EFCAB6: variants seen among roughly 807,000 people sequenced by gnomAD.
EFCAB6 encodes the protein EF-hand calcium binding domain 6.
In EFCAB6, 156 loss-of-function variants were observed where a neutral mutation model predicts 169.8. That is an observed-to-expected ratio of 0.92 (90% confidence interval 0.81 to 1.05). EFCAB6 has a LOEUF of 1.05. Among genes scored for constraint, EFCAB6 ranks in the 50% least tolerant of loss-of-function variants. The pLI, the probability that EFCAB6 is intolerant of heterozygous loss-of-function variation, is 0.00. For missense variants in EFCAB6, 1,800 were observed against 1,829.1 expected, an observed-to-expected ratio of 0.98 and a Z score of 0.29; for synonymous variants, 698 against 676.4, an observed-to-expected ratio of 1.03 and a Z score of -0.50.
Position 43,540,514 on chromosome 22 carries a change from C to G in EFCAB6, c.3649-157G>C, listed in dbSNP as rs1031275953. ...TTAAAAAAATAAAACGCCCATTTGG[C>G]CTTCGCTCGGCGGAGGCCTCAGGAA... On this transcript the variant is annotated intron_variant, in intron 27 of 31. Transcript: ENST00000262726. The G allele has an allele frequency of 1.3e-5, 20 of 1,532,608 alleles. No individual in the cohort carries two copies. In the African/African-American group the frequency reaches 2.3e-4, roughly 18 times the overall value. The allele number at this position is 1,532,608 out of a possible 1,614,324, so 94.9% of individuals were successfully genotyped here. A position where few individuals can be genotyped will look rare whatever the true frequency, so the allele number is the denominator to read the frequency against.
At chr22:43,548,539 CAAAAAAAAAAAAAA>C (rs397868076) in intron 27 of EFCAB6, among the ~76,000 whole-genome samples, 1 of 36,730 alleles carries the variant, frequency 2.7e-5, no homozygotes, top group Non-Finnish European at 4.6e-5. Context: ...GAATCCATCT[CAAAAAAAAAAAAAA>C]AAAAAAAAAA....
At chr22:43,776,088 T>G (rs1018288843) in intron 3 of EFCAB6, among the ~76,000 whole-genome samples, 1 of 152,164 alleles carries the variant, frequency 6.6e-6, no homozygotes, top group Non-Finnish European at 1.5e-5. Flanking sequence ...AAAAGGCTTA[T>G]GGAAAGAGAA....
intron 20 of EFCAB6, among the ~76,000 whole-genome samples, chr22:43,618,169 A>AAGGAAGGAAGGAAGGAAGGAAG (rs1277847574): frequency 0.012 from 363 of 30,134 alleles, 1 homozygote; most frequent in African/African-American, 0.024. Flanking sequence ...AAGGAAGGAA[A>AAGGAAGGAAGGAAGGAAGGAAG]GAAAGAAAGA....
rs529016277 is a variant in EFCAB6, at chr22:43,568,539, G to A, written c.3420+7758C>T. Among the ~76,000 whole-genome samples, 4 of 152,230 alleles carry A rather than the reference G, an allele frequency of 2.6e-5. No individual in the cohort carries two copies. The South Asian group carries it at 6.2e-4, about 24-fold the overall frequency. ...TGTCCATTTAGTTTGAATATATAGA[G>A]GGCTTCCCGTGGAGGCTAGGAATCA... On this transcript the variant is annotated intron_variant, in intron 26 of 31. Transcript: ENST00000262726.
chr22:43,730,692 T>A (rs1424994177), intron 8 of EFCAB6, among the ~76,000 whole-genome samples: 1 of 152,152 alleles, frequency 6.6e-6, no homozygotes, highest in African/African-American at 2.4e-5. Context: ...GTGGGCTTGG[T>A]TCGATTGTTT....
intron 23 of EFCAB6, 113 bp from the exon 24 acceptor site, chr22:43,590,342 C>T (rs1569210016): frequency 2.4e-6 from 3 of 1,267,484 alleles, no homozygotes; most frequent in Non-Finnish European, 2.1e-6. Context: ...CATCTAAGAA[C>T]TAATTTTGAA....
chr22:43,568,484 T>A (rs543080258), intron 26 of EFCAB6, among the ~76,000 whole-genome samples: 6 of 152,284 alleles, frequency 3.9e-5, no homozygotes, highest in African/African-American at 1.4e-4. Context: ...ACCAAATGAA[T>A]GGGGAGCCTG....
chr22:43,624,031 C>A (rs1281491126), intron 20 of EFCAB6, among the ~76,000 whole-genome samples: 2 of 152,240 alleles, frequency 1.3e-5, no homozygotes, highest in African/African-American at 4.8e-5. Flanking sequence ...TCCCAACAGA[C>A]TCCTGAGCTC....
chr22:43,782,042 G>T, intron 3 of EFCAB6, 138 bp downstream of exon 3: 1 of 867,332 alleles, frequency 1.2e-6, no homozygotes. Context: ...AGAAAACAGG[G>T]ATAAAAACAG....
chr22:43,740,766 C>T (rs1056000143), intron 6 of EFCAB6, among the ~76,000 whole-genome samples: 2 of 152,200 alleles, frequency 1.3e-5, no homozygotes, highest in African/African-American at 4.8e-5. Context: ...CACCGCTCTG[C>T]CTGAAAGAGG....
chr22:43,592,798 C>T (rs1250411892), intron 23 of EFCAB6, among the ~76,000 whole-genome samples: 2 of 152,178 alleles, frequency 1.3e-5, no homozygotes, highest in African/African-American at 2.4e-5. Context: ...CGTTTTCGAA[C>T]GAGCCCGTGT....
At chr22:43,788,132 A>G (rs2062147559) in intron 2 of EFCAB6, among the ~76,000 whole-genome samples, 1 of 152,210 alleles carries the variant, frequency 6.6e-6, no homozygotes, top group East Asian at 1.9e-4. Flanking sequence ...GAATTCCTAG[A>G]AGAAAGCATA....
intron 21 of EFCAB6, among the ~76,000 whole-genome samples, chr22:43,614,219 C>A (rs1052670103): frequency 6.2e-5 from 8 of 129,956 alleles, no homozygotes; most frequent in Non-Finnish European, 9.4e-5. Flanking sequence ...ACTGACACTA[C>A]CTGATGGCCA....
At chr22:43,529,085 T>C in intron 31 of EFCAB6, 110 bp from the exon 32 acceptor site, 1 of 1,264,380 alleles carries the variant, frequency 7.9e-7, no homozygotes, top group Non-Finnish European at 1.1e-6. Context: ...CCAACCCCAC[T>C]TCCGATGTCA....
intron 10 of EFCAB6, among the ~76,000 whole-genome samples, chr22:43,689,030 C>G (rs1230679905): frequency 6.6e-6 from 1 of 152,014 alleles, no homozygotes; most frequent in Non-Finnish European, 1.5e-5. Flanking sequence ...GAGTCCCAAC[C>G]CCACCACAAA....
At chr22:43,772,683 G>A (rs1254190276) in intron 4 of EFCAB6, among the ~76,000 whole-genome samples, 2 of 151,782 alleles carry the variant, frequency 1.3e-5, no homozygotes, top group African/African-American at 4.8e-5. Context: ...AAAAGAAACT[G>A]GCTGGAGCAG....
chr22:43,662,863 C>A (rs557241546), intron 17 of EFCAB6, among the ~76,000 whole-genome samples: 1 of 152,314 alleles, frequency 6.6e-6, no homozygotes, highest in African/African-American at 2.4e-5. Flanking sequence ...ATCCAGCAAG[C>A]CTATCTCACA....
In EFCAB6 at chr22:43,528,913, G is replaced by A. The variant is rs373654243; in HGVS notation, c.4446C>T (p.Tyr1482=). The A allele has an allele frequency of 1.6e-5, 25 of 1,611,352 alleles. No individual in the cohort carries two copies. In the East Asian group the frequency reaches 2.0e-4, roughly 13 times the overall value. ...EEEFFHILEY[Y]DKTLSSKISY... is the part of the protein sequence containing the mutation. ...AGATTTTTGAAGACAGCGTCTTATC[G>A]TAATACTCCAGAATATGGAAGAACT... is the stretch of plus-strand genomic sequence containing the variant. The change falls in exon 32 of 32, where the codon TAC becomes TAT. Residue 1482 remains tyrosine (Y), a synonymous_variant. Transcript: ENST00000262726.
intron 1 of EFCAB6, among the ~76,000 whole-genome samples, chr22:43,809,511 G>C (rs776140710): frequency 6.6e-6 from 1 of 152,200 alleles, no homozygotes. Flanking sequence ...AGGCAGTCCT[G>C]GAGTTGGAGC....
Sources: allele counts gnomAD v4.1 joint callset (sites outside exome capture counted in the v4.1 genomes callset), GRCh38; gene constraint gnomAD v4.1.1; transcripts MANE v1.5; gene names NCBI Gene and HGNC (gene_info 2026-07-23, HGNC 2026-07-21).